INPP4A: variants seen among roughly 807,000 people sequenced by gnomAD.
INPP4A encodes inositol polyphosphate-4-phosphatase, type I, 107kD.
Under a neutral mutation model 119.8 loss-of-function variants are expected in INPP4A, and 33 were observed. That is an observed-to-expected ratio of 0.28 (90% CI 0.21 to 0.37). INPP4A has a LOEUF of 0.37. INPP4A is among the 10% of genes least tolerant of loss of function. The pLI, the probability that INPP4A is intolerant of heterozygous loss-of-function variation, is 1.00. For synonymous variants in INPP4A, 496 were observed against 500.7 expected (o/e 0.99, Z 0.12); for missense variants, 956 against 1,289.9 (o/e 0.74, Z 3.97).
chr2:98,503,206 A>G (rs1280397267), intron 1 of INPP4A, among the ~76,000 whole-genome samples: 2 of 152,164 alleles, frequency 1.3e-5, no homozygotes, highest in African/African-American at 4.8e-5. Context: ...CAAGTGAGAA[A>G]GAGATTTGTC....
At chr2:98,578,971 C>T (rs1024937799) in intron 24 of INPP4A, among the ~76,000 whole-genome samples, 1 of 152,190 alleles carries the variant, frequency 6.6e-6, no homozygotes, top group East Asian at 1.9e-4. Context: ...CACCCACATG[C>T]ACAAACAAGT....
chr2:98,511,470 C>T (rs1685108211), intron 1 of INPP4A, among the ~76,000 whole-genome samples: 1 of 152,176 alleles, frequency 6.6e-6, no homozygotes, highest in South Asian at 2.1e-4. Context: ...GTGACCCTCT[C>T]CTGCCCTGTG....
chr2:98,527,497 G>T (rs1688399961), intron 4 of INPP4A, among the ~76,000 whole-genome samples: 1 of 152,218 alleles, frequency 6.6e-6, no homozygotes, highest in Admixed American at 6.5e-5. Flanking sequence ...TTCACAGGGA[G>T]ATTTGAAAAG....
intron 1 of INPP4A, among the ~76,000 whole-genome samples, chr2:98,472,194 G>T (rs1404118772): frequency 6.6e-6 from 1 of 152,234 alleles, no homozygotes; most frequent in Non-Finnish European, 1.5e-5. Context: ...GGCCAAGGAG[G>T]GCTGGGCCTT....
rs1692556359 is a variant in INPP4A, at chr2:98,546,794, C to T, written c.1163+100C>T. ...AAATATGACCGCAAAAACACCCAGC[C>T]ATCTGATCTGCTTTTGCGTGGCAGG... On this transcript the variant is annotated intron_variant, in intron 13 of 24. Transcript: ENST00000409851. This position sits in a 1 kb window ranked among gnomAD's most constrained non-coding sequence, Gnocchi z 4.2. 1.3e-6 allele frequency: 1 copy of T among 770,410 alleles called. No homozygotes were observed. Among genetic ancestry groups the T allele is most frequent in the African/African-American group, 1.7e-5 (1 of 57,922 alleles). The allele number at this position is 770,410 out of a possible 1,614,324, so 47.7% of individuals were successfully genotyped here. A position where few individuals can be genotyped will look rare whatever the true frequency, so the allele number is the denominator to read the frequency against.
At chr2:98,574,586 C>T (rs1483817222) in intron 23 of INPP4A, among the ~76,000 whole-genome samples, 2 of 149,918 alleles carry the variant, frequency 1.3e-5, no homozygotes, top group African/African-American at 2.5e-5. Context: ...TGCAGTAAGC[C>T]GAAATCACAC....
chr2:98,495,232 C>A, intron 1 of INPP4A, among the ~76,000 whole-genome samples: 1 of 152,184 alleles, frequency 6.6e-6, no homozygotes, highest in East Asian at 1.9e-4. Flanking sequence ...GCAACAGAAT[C>A]TTCCTGGGAG....
intron 1 of INPP4A, among the ~76,000 whole-genome samples, chr2:98,467,408 C>T (rs1431675654): frequency 6.6e-6 from 1 of 152,202 alleles, no homozygotes; most frequent in Non-Finnish European, 1.5e-5. Flanking sequence ...GATGATTCAT[C>T]ACACTGTTAA....
chr2:98,491,123 C>A (rs976131893), intron 1 of INPP4A, among the ~76,000 whole-genome samples: 3 of 152,208 alleles, frequency 2.0e-5, no homozygotes, highest in Admixed American at 6.5e-5. Context: ...CCCAGTTAAT[C>A]AAAAACAAAT....
At chr2:98,469,450 A>G (rs1163119549) in intron 1 of INPP4A, among the ~76,000 whole-genome samples, 1 of 151,308 alleles carries the variant, frequency 6.6e-6, no homozygotes, top group East Asian at 1.9e-4. Context: ...CAGTGAGCCG[A>G]GATCGCGCCA....
At chr2:98,553,256 A>G (rs1362261616) in intron 14 of INPP4A, among the ~76,000 whole-genome samples, 1 of 151,776 alleles carries the variant, frequency 6.6e-6, no homozygotes, top group Non-Finnish European at 1.5e-5. Flanking sequence ...TGAGGGTGAT[A>G]CAGTTCCACT....
intron 1 of INPP4A, among the ~76,000 whole-genome samples, chr2:98,464,610 C>T (rs961502292): frequency 4.6e-5 from 7 of 152,308 alleles, no homozygotes; most frequent in African/African-American, 1.7e-4. Context: ...CAGAACTCGG[C>T]ACCAGCTTCT....
intron 16 of INPP4A, among the ~76,000 whole-genome samples, chr2:98,558,699 GAT>G (rs1415880816): frequency 6.6e-6 from 1 of 152,168 alleles, no homozygotes; most frequent in African/African-American, 2.4e-5. Context: ...TTTCTTCCAT[GAT>G]TCCTTTTCAA....
At chr2:98,511,626 C>T (rs898295640) in intron 1 of INPP4A, among the ~76,000 whole-genome samples, 2 of 152,120 alleles carry the variant, frequency 1.3e-5, no homozygotes, top group African/African-American at 2.4e-5. Context: ...ACAGAGCACC[C>T]ACCTCACTTC....
At chr2:98,574,622 A>G (rs1698102781) in intron 23 of INPP4A, among the ~76,000 whole-genome samples, 1 of 148,258 alleles carries the variant, frequency 6.7e-6, no homozygotes, top group South Asian at 2.1e-4. Flanking sequence ...TGGGTGATAG[A>G]GTGAGACTCC....
intron 1 of INPP4A, among the ~76,000 whole-genome samples, chr2:98,490,847 A>C (rs1680580129): frequency 6.6e-6 from 1 of 152,242 alleles, no homozygotes; most frequent in African/African-American, 2.4e-5. Context: ...CTGTCATAAC[A>C]AGTCATGAGG....
intron 1 of INPP4A, among the ~76,000 whole-genome samples, chr2:98,488,979 G>C (rs1298913245): frequency 2.0e-5 from 3 of 147,474 alleles, no homozygotes; most frequent in African/African-American, 7.8e-5. Context: ...GTGTGTGTGT[G>C]TGTGTAAATG....
chr2:98,494,573 T>C (rs1681533349), intron 1 of INPP4A, among the ~76,000 whole-genome samples: 1 of 151,890 alleles, frequency 6.6e-6, no homozygotes, highest in Non-Finnish European at 1.5e-5. Flanking sequence ...CTCTGAAAGA[T>C]ACTGACTTTG....
chr2:98,454,558 G>C (rs1695777321), intron 1 of INPP4A, among the ~76,000 whole-genome samples: 1 of 152,144 alleles, frequency 6.6e-6, no homozygotes, highest in Non-Finnish European at 1.5e-5. Context: ...GTGCAAACAT[G>C]AATGTTTCGA....
Sources: gnomAD v4.1 joint callset for allele counts (sites outside exome capture counted in the v4.1 genomes callset) on GRCh38, gnomAD v4.1.1 for gene constraint, Gnocchi (gnomAD v3.1) non-coding constraint, MANE v1.5 for transcripts, NCBI Gene and HGNC (gene_info 2026-07-23, HGNC 2026-07-21) for gene names.